ZNF367: variants seen among roughly 807,000 people sequenced by gnomAD.
ZNF367 encodes zinc finger protein 367, also known as C2H2 zinc finger protein ZFF29.
In ZNF367, 11 loss-of-function variants were observed where a neutral mutation model predicts 31.8. The ratio of observed to expected loss-of-function variants is 0.35; its 90% confidence interval spans 0.22 to 0.57. The LOEUF (loss-of-function observed/expected upper bound fraction) is 0.57, where lower values mean the gene tolerates loss of function less well. ZNF367 is among the 20% of genes least tolerant of loss of function. ZNF367 has a pLI of 0.85. For missense variants in ZNF367, 353 were observed against 484.1 expected, an observed-to-expected ratio of 0.73 and a Z score of 2.54; for synonymous variants, 199 against 202.4, an observed-to-expected ratio of 0.98 and a Z score of 0.14.
chr9:96,417,589 C>T lies in ZNF367; in HGVS notation c.420+24G>A. ...GGCCCCGGCTGCCCCACGTCCCGCC[C>T]GCCCGCCCGCCCGCGCCGCTCACCT... On this transcript the variant is annotated intron_variant, in intron 1 of 4. Transcript: ENST00000375256. This position sits in a 1 kb window ranked among gnomAD's most constrained non-coding sequence, Gnocchi z 5.0. The T allele has an allele frequency of 4.4e-6, 2 of 455,968 alleles. No individual in the cohort carries two copies. Among genetic ancestry groups the T allele is most frequent in the Non-Finnish European group, 6.8e-6 (2 of 292,408 alleles). 28.2% of individuals were successfully genotyped at this position (455,968 alleles called of 1,614,324 possible).
intron 1 of ZNF367, 51 bp from the exon 2 acceptor site, chr9:96,398,365 T>A: frequency 6.7e-7 from 1 of 1,493,566 alleles, no homozygotes; most frequent in Non-Finnish European, 9.1e-7. Context: ...CGCTACTCAT[T>A]AAAGCAACGT....
At chr9:96,414,313 C>T (rs1018818171) in intron 1 of ZNF367, among the ~76,000 whole-genome samples, 1 of 151,914 alleles carries the variant, frequency 6.6e-6, no homozygotes, top group African/African-American at 2.4e-5. Flanking sequence ...AATCAATTTA[C>T]CAAATAATTT....
Position 96,417,994 on chromosome 9 carries a change from C to T in ZNF367, c.39G>A (p.Pro13=). 1.4e-6 allele frequency: 2 copies of T among 1,423,386 alleles called. No homozygotes were observed. The highest frequency in any genetic ancestry group is 9.1e-7 in the Non-Finnish European group (1 of 1,096,560). The allele number at this position is 1,423,386 out of a possible 1,614,324, so 88.2% of individuals were successfully genotyped here. A position where few individuals can be genotyped will look rare whatever the true frequency, so the allele number is the denominator to read the frequency against. ...RGFEAPMAEN[P]PPPPPPVIFC... Reference sequence around the variant, plus strand: ...AGATGACGGGCGGCGGCGGCGGCGGCGGGTTCTCCGCCATGGGCGCCTCGA... The same window carrying T: ...AGATGACGGGCGGCGGCGGCGGCGGTGGGTTCTCCGCCATGGGCGCCTCGA... The change falls in exon 1 of 5, where the codon CCG becomes CCA. Residue 13 remains proline (P), a synonymous_variant. Transcript: ENST00000375256. This position sits in a 1 kb window ranked among gnomAD's most constrained non-coding sequence, Gnocchi z 5.0.
chr9:96,399,740 C>T (rs1212627829), intron 1 of ZNF367, among the ~76,000 whole-genome samples: 3 of 152,126 alleles, frequency 2.0e-5, no homozygotes, highest in Non-Finnish European at 4.4e-5. Flanking sequence ...ATTGCTTGAA[C>T]CCGAGAGGTG....
At chr9:96,403,071 G>A (rs2131077086) in intron 1 of ZNF367, among the ~76,000 whole-genome samples, 1 of 152,068 alleles carries the variant, frequency 6.6e-6, no homozygotes, top group African/African-American at 2.4e-5. Flanking sequence ...CCAGGTTCCA[G>A]CAATTCTCCT....
chr9:96,411,603 A>G (rs1170928570), intron 1 of ZNF367, among the ~76,000 whole-genome samples: 1 of 152,136 alleles, frequency 6.6e-6, no homozygotes, highest in Non-Finnish European at 1.5e-5. Flanking sequence ...ATGCAAGAAC[A>G]TATTGCTGAC....
chr9:96,390,982 A>G (rs889816430), intron 4 of ZNF367, among the ~76,000 whole-genome samples: 16 of 152,030 alleles, frequency 1.1e-4, no homozygotes, highest in African/African-American at 3.6e-4. Flanking sequence ...ACCAGGAGAA[A>G]GAGGAGGGGA....
chr9:96,396,229 T>A (rs955544008), intron 2 of ZNF367, among the ~76,000 whole-genome samples: 3 of 152,114 alleles, frequency 2.0e-5, no homozygotes, highest in Admixed American at 2.0e-4. Context: ...TGCCACATAG[T>A]CTTGAATCTT....
Position 96,418,266 on chromosome 9 carries a change from G to A in ZNF367, c.-234C>T. Reference sequence around the variant, plus strand: ...CCCTCCGCTCTTTGTACTCCGCAGCGCAGGCTGCAGGGGTGGGAAGCAGCG... The same window carrying A: ...CCCTCCGCTCTTTGTACTCCGCAGCACAGGCTGCAGGGGTGGGAAGCAGCG... On this transcript the variant is annotated 5_prime_UTR_variant, in exon 1 of 5. Transcript: ENST00000375256. 2 of 503,628 alleles carry A rather than the reference G, an allele frequency of 4.0e-6. No homozygotes were observed. Among genetic ancestry groups the A allele is most frequent in the South Asian group, 1.0e-4 (1 of 9,928 alleles). 31.2% of individuals were successfully genotyped at this position (503,628 alleles called of 1,614,324 possible).
chr9:96,413,490 C>G lies in ZNF367; in HGVS notation c.420+4123G>C, dbSNP rs116727749. Reference sequence around the variant, plus strand: ...TGACACAGAAAGGGGAAGTAGGATACGGCAGCCGGTAGATCCTGTAGGGTG... The same window carrying G: ...TGACACAGAAAGGGGAAGTAGGATAGGGCAGCCGGTAGATCCTGTAGGGTG... On this transcript the variant is annotated intron_variant, in intron 1 of 4. Transcript: ENST00000375256. Among the ~76,000 whole-genome samples the G allele has an allele frequency of 1.4e-3, 209 of 152,214 alleles. 1 individual carries two copies. Among genetic ancestry groups the G allele is most frequent in the African/African-American group, 4.6e-3 (189 of 41,528 alleles).
chr9:96,398,301 C>T lies in ZNF367; in HGVS notation c.434G>A (p.Arg145His). 6.2e-7 allele frequency: 1 copy of T among 1,604,818 alleles called. No individual in the cohort carries two copies. Among genetic ancestry groups the T allele is most frequent in the Non-Finnish European group, 8.5e-7 (1 of 1,176,808 alleles). ...DSGHLKDGIRRGRPRADTVRD... is the reference protein window; with the variant it reads ...DSGHLKDGIRHGRPRADTVRD... ...GACAGTATCTGCTCTGGGCCTACCA[C>T]GTCGGATTCCATCCTGTTGATAATT... The change falls in exon 2 of 5, where the codon CGT becomes CAT. Residue 145 changes from arginine to histidine, a missense_variant. Around this residue, in one of 5 missense-constraint regions of ZNF367, gnomAD observed 57 missense variants for 141.9 expected, o/e 0.40. Coordinates refer to ENST00000375256, the MANE Select transcript of ZNF367 (RefSeq NM_153695.4).
At position 96,417,209 on chromosome 9, in the gene ZNF367, T is replaced by C. The variant is rs1831841731; in HGVS notation, c.420+404A>G. ...ATCTTTTAACAGGGCGAGGGCGATC[T>C]GCAGTAATGGAGCAAACACTGTGCG... is the stretch of plus-strand genomic sequence containing the variant. On this transcript the variant is annotated intron_variant, in intron 1 of 4. Coordinates refer to ENST00000375256, the MANE Select transcript of ZNF367 (RefSeq NM_153695.4). The surrounding 1 kb of genome is among the most constrained non-coding windows in gnomAD (Gnocchi z 5.0). Among the ~76,000 whole-genome samples, 2 of 152,300 alleles carry C rather than the reference T, an allele frequency of 1.3e-5. No individual in the cohort carries two copies. The highest frequency in any genetic ancestry group is 2.9e-5 in the Non-Finnish European group (2 of 68,010).
At chr9:96,397,991 G>A (rs1270264523) in intron 2 of ZNF367, among the ~76,000 whole-genome samples, 173 bp downstream of exon 2, 1 of 149,560 alleles carries the variant, frequency 6.7e-6, no homozygotes, top group Admixed American at 6.8e-5. Flanking sequence ...TCAGGAGGCT[G>A]AGGCAAGAGA....
intron 1 of ZNF367, among the ~76,000 whole-genome samples, chr9:96,410,430 C>T (rs567823153): frequency 6.8e-6 from 1 of 148,086 alleles, no homozygotes; most frequent in South Asian, 2.2e-4. Context: ...GGCGTGGTGG[C>T]GGGTGCCTGT....
chr9:96,397,806 T>A (rs570254585), intron 2 of ZNF367, among the ~76,000 whole-genome samples: 7 of 152,180 alleles, frequency 4.6e-5, no homozygotes, highest in Admixed American at 2.6e-4. Flanking sequence ...TAAGTGTTAC[T>A]TCTGGCCAGG....
At chr9:96,413,680 A>T (rs1010400310) in intron 1 of ZNF367, among the ~76,000 whole-genome samples, 2 of 152,194 alleles carry the variant, frequency 1.3e-5, no homozygotes, top group African/African-American at 4.8e-5. Flanking sequence ...ATCCAGAAGA[A>T]GATAATATAT....
intron 1 of ZNF367, among the ~76,000 whole-genome samples, chr9:96,402,386 G>T (rs981617809): frequency 1.2e-4 from 18 of 149,708 alleles, no homozygotes; most frequent in African/African-American, 4.2e-4. Flanking sequence ...ATTAAAAGGA[G>T]AAATAGTTCA....
At chr9:96,412,017 T>G (rs537869625) in intron 1 of ZNF367, among the ~76,000 whole-genome samples, 8 of 152,130 alleles carry the variant, frequency 5.3e-5, no homozygotes, top group Non-Finnish European at 1.0e-4. Flanking sequence ...TTATTTTAGC[T>G]CAGAAAATAA....
At position 96,388,162 on chromosome 9, in the gene ZNF367, T is replaced by C; in HGVS notation, c.*75A>G. The C allele has an allele frequency of 2.1e-6, 3 of 1,425,368 alleles. No homozygotes were observed. Among genetic ancestry groups the C allele is most frequent in the Non-Finnish European group, 2.8e-6 (3 of 1,056,118 alleles). The allele number at this position is 1,425,368 out of a possible 1,614,324, so 88.3% of individuals were successfully genotyped here. ...GCCTATGATAAGCAAATAAGGTGCT[T>C]AGCTTATGCCCAAGGATCTACTTTT... On this transcript the variant is annotated 3_prime_UTR_variant, in exon 5 of 5. Coordinates refer to ENST00000375256, the MANE Select transcript of ZNF367 (RefSeq NM_153695.4).
Sources: allele counts gnomAD v4.1 joint callset (sites outside exome capture counted in the v4.1 genomes callset), GRCh38; gene constraint gnomAD v4.1.1; regional missense constraint gnomAD v4.1.1; non-coding constraint Gnocchi (gnomAD v3.1); transcripts MANE v1.5; gene names NCBI Gene and HGNC (gene_info 2026-07-23, HGNC 2026-07-21).